Variants in CD84 observed in about 807,000 individuals in gnomAD.
The protein encoded by CD84 is SLAM family member 5.
Under a neutral mutation model 33.8 loss-of-function variants are expected in CD84, and 22 were observed. The ratio of observed to expected loss-of-function variants is 0.65; its 90% CI spans 0.46 to 0.93. CD84 has a LOEUF of 0.93. Among genes scored for constraint, CD84 ranks in the 40% least tolerant of loss-of-function variants. The pLI, the probability that CD84 is intolerant of heterozygous loss-of-function variation, is 0.00. For missense variants in CD84, 400 were observed against 397.6 expected (o/e 1.01, Z -0.05); for synonymous variants, 154 against 145.2 (o/e 1.06, Z -0.44).
chr1:160,568,663 C>G (rs1657478296), intron 1 of CD84, among the ~76,000 whole-genome samples: 1 of 152,150 alleles, frequency 6.6e-6, no homozygotes, highest in African/African-American at 2.4e-5. Context: ...CACTGTCACC[C>G]ACGCTGGAGT....
chr1:160,547,264 T>A lies in CD84; in HGVS notation c.*992A>T. ...GTTCCTTCTGGAGAATGACTCTGCT[T>A]CTTGCAAGGTCTTCTATTTTGATGG... On this transcript the variant is annotated 3_prime_UTR_variant, in exon 7 of 7. Coordinates refer to ENST00000368054, the MANE Select transcript of CD84 (RefSeq NM_003874.4). 1 of 398,428 alleles carries A rather than the reference T, an allele frequency of 2.5e-6. No individual in the cohort carries two copies. Among genetic ancestry groups the A allele is most frequent in the Non-Finnish European group, 4.4e-6 (1 of 226,018 alleles). 24.7% of individuals were successfully genotyped at this position (398,428 alleles called of 1,614,324 possible). A position where few individuals can be genotyped will look rare whatever the true frequency, so the allele number is the denominator to read the frequency against.
intron 1 of CD84, among the ~76,000 whole-genome samples, chr1:160,572,139 A>T (rs1311660854): frequency 6.6e-6 from 1 of 152,180 alleles, no homozygotes; most frequent in Non-Finnish European, 1.5e-5. Flanking sequence ...AATCCCTGAC[A>T]TTTGCTGAGG....
chr1:160,549,778 A>G, intron 6 of CD84, 139 bp downstream of exon 6: 2 of 735,592 alleles, frequency 2.7e-6, no homozygotes, highest in Non-Finnish European at 4.9e-6. Flanking sequence ...GTACATATAG[A>G]CCAAAAACCT....
chr1:160,543,830 T>C lies in CD84; in HGVS notation c.*4426A>G, dbSNP rs1025747222. 1 of 152,148 alleles carries C rather than the reference T, an allele frequency of 6.6e-6. No individual in the cohort carries two copies. Among genetic ancestry groups the C allele is most frequent in the Non-Finnish European group, 1.5e-5 (1 of 68,024 alleles). 9.4% of individuals were successfully genotyped at this position (152,148 alleles called of 1,614,324 possible). On this transcript the variant is annotated 3_prime_UTR_variant, in exon 7 of 7. Transcript: ENST00000368054. Reference sequence around the variant, plus strand: ...CAGCATTTCTGTTGTAAGAAGCTTATTTCATGAATTTAGATTAGCATCTTC... The same window carrying C: ...CAGCATTTCTGTTGTAAGAAGCTTACTTCATGAATTTAGATTAGCATCTTC...
chr1:160,563,704 A>G (rs932312017), intron 2 of CD84, among the ~76,000 whole-genome samples: 1 of 152,196 alleles, frequency 6.6e-6, no homozygotes, highest in Non-Finnish European at 1.5e-5. Context: ...TTACCTATGT[A>G]ACAAACTTTG....
At chr1:160,556,739 A>T (rs1378955959) in intron 2 of CD84, among the ~76,000 whole-genome samples, 1 of 152,240 alleles carries the variant, frequency 6.6e-6, no homozygotes. Context: ...CATAAGGTAC[A>T]GATTTTATTG....
rs1406485374 is a variant in CD84 at position 160,543,205 on chromosome 1, C to A, written c.*5051G>T. 2 of 152,002 alleles carry A rather than the reference C, an allele frequency of 1.3e-5. No individual in the cohort carries two copies. Among genetic ancestry groups the A allele is most frequent in the African/African-American group, 2.4e-5 (1 of 41,346 alleles). The allele number at this position is 152,002 out of a possible 1,614,324, so 9.4% of individuals were successfully genotyped here. On this transcript the variant is annotated 3_prime_UTR_variant, in exon 7 of 7. Transcript: ENST00000368054. ...TATTTACTTTGAGCTGCTTTTAGTA[C>A]CTTAAAATATTACTATATGCAAATA...
intron 1 of CD84, among the ~76,000 whole-genome samples, chr1:160,569,367 G>T (rs1296974564): frequency 6.6e-6 from 1 of 152,106 alleles, no homozygotes; most frequent in Admixed American, 6.5e-5. Flanking sequence ...GTTATCACTG[G>T]AAGTGACCTT....
intron 2 of CD84, among the ~76,000 whole-genome samples, chr1:160,563,627 T>C (rs1657136265): frequency 6.6e-6 from 1 of 152,064 alleles, no homozygotes; most frequent in African/African-American, 2.4e-5. Flanking sequence ...GAAGGTTAGC[T>C]AATGGATGTT....
At chr1:160,550,673 C>A (rs1344791764) in intron 5 of CD84, 9 of 985,250 alleles carry the variant, frequency 9.1e-6, no homozygotes, top group Non-Finnish European at 1.1e-5. Context: ...CTAGTCATGG[C>A]TCATCTAACC....
Position 160,553,453 on chromosome 1 carries a change from C to A in CD84, c.685G>T (p.Val229Leu). 6.2e-7 allele frequency: 1 copy of A among 1,614,058 alleles called. No homozygotes were observed. The highest frequency in any genetic ancestry group is 1.1e-5 in the South Asian group (1 of 91,078). Residue 229 changes from valine to leucine, a missense_variant, in exon 4 of 7, where the codon GTG becomes TTG. Val to Leu is a conservative substitution (Grantham distance 32). Transcript: ENST00000368054. ...ACAAGCAGAAAGAACATAGCCAGCACGCTCAGCAACCCGGTGTGGTGAGTA... is the reference window on the plus strand; with the variant it reads ...ACAAGCAGAAAGAACATAGCCAGCAAGCTCAGCAACCCGGTGTGGTGAGTA... The part of the protein sequence containing the change: ...FRTHHTGLLS[V>L]LAMFFLLVLI...
At chr1:160,556,027 GA>G (rs1656587012) in intron 2 of CD84, among the ~76,000 whole-genome samples, 1 of 152,182 alleles carries the variant, frequency 6.6e-6, no homozygotes, top group African/African-American at 2.4e-5. Context: ...TCAATTAGTA[GA>G]AAGTGAACAA....
chr1:160,541,520 G>A lies in CD84; in HGVS notation c.*6736C>T, dbSNP rs1557960385. On this transcript the variant is annotated 3_prime_UTR_variant, in exon 7 of 7. Coordinates refer to ENST00000368054, the MANE Select transcript of CD84 (RefSeq NM_003874.4). ...ACTACTCTGTACTTGTGTGCCAAAT[G>A]CTGTAAAAGTATAAATAGAGGGCAA... 6.6e-6 allele frequency: 1 copy of A among 152,186 alleles called. No individual in the cohort carries two copies. The highest frequency in any genetic ancestry group is 1.5e-5 in the Non-Finnish European group (1 of 68,024). 9.4% of individuals were successfully genotyped at this position (152,186 alleles called of 1,614,324 possible).
intron 6 of CD84, 126 bp from the exon 7 acceptor site, chr1:160,548,447 G>T: frequency 1.1e-6 from 1 of 887,074 alleles, no homozygotes. Context: ...CCTCATGCTG[G>T]GGAAATCTGG....
At chr1:160,562,158 T>G (rs556040337) in intron 2 of CD84, among the ~76,000 whole-genome samples, 1 of 152,270 alleles carries the variant, frequency 6.6e-6, no homozygotes, top group East Asian at 1.9e-4. Flanking sequence ...CTGCCCAAAG[T>G]AATTTATAGA....
chr1:160,572,094 A>G (rs1021524539), intron 1 of CD84, among the ~76,000 whole-genome samples: 2 of 152,230 alleles, frequency 1.3e-5, no homozygotes, highest in African/African-American at 4.8e-5. Context: ...TAGAGTGAGC[A>G]TAGATTTGAG....
chr1:160,548,422 A>G (rs755645728), intron 6 of CD84, 101 bp from the exon 7 acceptor site: 7 of 1,205,234 alleles, frequency 5.8e-6, no homozygotes, highest in Middle Eastern at 2.3e-4. Flanking sequence ...GGCACGGGGG[A>G]ATGCCTTAGA....
At chr1:160,563,072 T>G (rs1041108732) in intron 2 of CD84, among the ~76,000 whole-genome samples, 6 of 152,130 alleles carry the variant, frequency 3.9e-5, no homozygotes, top group African/African-American at 9.7e-5. Flanking sequence ...ATGGCAATTA[T>G]TAATAAAGTC....
At chr1:160,577,215 T>C (rs1658036616) in intron 1 of CD84, among the ~76,000 whole-genome samples, 1 of 152,122 alleles carries the variant, frequency 6.6e-6, no homozygotes, top group African/African-American at 2.4e-5. Flanking sequence ...GAAATGGGGA[T>C]TTCTCCCTGC....
Sources: allele counts gnomAD v4.1 joint callset (sites outside exome capture counted in the v4.1 genomes callset), GRCh38; gene constraint gnomAD v4.1.1; transcripts MANE v1.5; gene names NCBI Gene and HGNC (gene_info 2026-07-23, HGNC 2026-07-21).